SYNE2: variants seen among roughly 807,000 people sequenced by gnomAD.
SYNE2 encodes nesprin-2.
Under a neutral mutation model 856.3 loss-of-function variants are expected in SYNE2, and 431 were observed. The observed-to-expected ratio is 0.50, with a 90% confidence interval of 0.47 to 0.55. The LOEUF (loss-of-function observed/expected upper bound fraction) is 0.55. Among genes scored for constraint, SYNE2 ranks in the 20% least tolerant of loss-of-function variants. The pLI is 0.00. For synonymous variants in SYNE2, 2,923 were observed against 2,872.3 expected (o/e 1.02, Z -0.56); for missense variants, 8,129 against 8,023.2 (o/e 1.01, Z -0.50).
At chr14:64,073,201 AG>A (rs1307088891) in intron 52 of SYNE2, among the ~76,000 whole-genome samples, 1 of 152,186 alleles carries the variant, frequency 6.6e-6, no homozygotes, top group Non-Finnish European at 1.5e-5. Flanking sequence ...TGTTGGAGGT[AG>A]GGGTGGTACT....
intron 1 of SYNE2, among the ~76,000 whole-genome samples, chr14:63,856,635 T>A (rs1891811052): frequency 6.6e-6 from 1 of 152,194 alleles, no homozygotes; most frequent in African/African-American, 2.4e-5. Flanking sequence ...ATTCTCTGAG[T>A]CTTCACTGTA....
chr14:64,087,954 G>A (rs2097576651), intron 58 of SYNE2, 98 bp downstream of exon 58: 19 of 1,324,336 alleles, frequency 1.4e-5, no homozygotes, highest in Non-Finnish European at 2.0e-5. Flanking sequence ...AGGCCAAGGC[G>A]GGTGGATCAC....
At chr14:63,782,529 T>C (rs908499500) in intron 1 of SYNE2, among the ~76,000 whole-genome samples, 7 of 148,698 alleles carry the variant, frequency 4.7e-5, no homozygotes, top group Admixed American at 2.7e-4. Flanking sequence ...AAGATCTAAC[T>C]TGAAAGTCTC....
At chr14:63,899,777 C>T (rs547594715) in intron 1 of SYNE2, among the ~76,000 whole-genome samples, 3 of 152,350 alleles carry the variant, frequency 2.0e-5, no homozygotes, top group Non-Finnish European at 2.9e-5. Flanking sequence ...GCTGGGATTA[C>T]AGGCGTGAGC....
Position 63,978,908 on chromosome 14 carries a change from A to C in SYNE2, c.1463A>C (p.Lys488Thr). Reference sequence around the variant, plus strand: ...CTACTTCTAGAATTTCATTACTACAAGTGCTTAGTTCTTGGTTTGGTAGAT... The same window carrying C: ...CTACTTCTAGAATTTCATTACTACACGTGCTTAGTTCTTGGTTTGGTAGAT... Reference protein sequence around the residue: ...FILLLEFHYYKCLVLGLVDEV... With the variant: ...FILLLEFHYYTCLVLGLVDEV... The change falls in exon 14 of 116, where the codon AAG (lysine) becomes ACG (threonine). Residue 488 changes from lysine to threonine, a missense_variant. By Grantham distance (78) the Lys-to-Thr change is moderately conservative. Coordinates refer to ENST00000555002, the MANE Select transcript of SYNE2 (RefSeq NM_182914.3). 6.2e-7 allele frequency: 1 copy of C among 1,613,070 alleles called. No homozygotes were observed. Among genetic ancestry groups the C allele is most frequent in the African/African-American group, 1.3e-5 (1 of 75,028 alleles).
chr14:64,135,516 G>A (rs1312940482), intron 78 of SYNE2, among the ~76,000 whole-genome samples: 1 of 152,094 alleles, frequency 6.6e-6, no homozygotes, highest in Non-Finnish European at 1.5e-5. Context: ...GGTGATGAGA[G>A]TACTGTTTAG....
intron 1 of SYNE2, among the ~76,000 whole-genome samples, chr14:63,856,415 C>T (rs1240482533): frequency 6.6e-6 from 1 of 152,168 alleles, no homozygotes; most frequent in Non-Finnish European, 1.5e-5. Flanking sequence ...AGTCCCTGTC[C>T]TGGTGAAGCT....
At chr14:63,879,290 C>T (rs753970639) in intron 1 of SYNE2, among the ~76,000 whole-genome samples, 17 of 152,178 alleles carry the variant, frequency 1.1e-4, no homozygotes, top group Non-Finnish European at 2.2e-4. Context: ...ACTCCTCTAG[C>T]AAGGCAGGAA....
At chr14:64,176,006 C>G (rs567853846) in intron 95 of SYNE2, among the ~76,000 whole-genome samples, 1 of 152,298 alleles carries the variant, frequency 6.6e-6, no homozygotes, top group South Asian at 2.1e-4. Context: ...CATGGTTTTG[C>G]TTCTCCTTTG....
chr14:64,049,613 A>G lies in SYNE2; in HGVS notation c.7380A>G (p.Lys2460=). ...TGATCTGTGTGACTTATTTTTAGAA[A>G]TTATATACCCAGTTGGAAGCAAAGA... The part of the protein sequence containing the change: ...LRNEQLEEIE[K]LYTQLEAKKA... The change falls in exon 47 of 116, where the codon AAA becomes AAG. Residue 2460 remains lysine, a splice_region_variant and synonymous_variant. Transcript: ENST00000555002. 1 of 1,614,036 alleles carries G rather than the reference A, an allele frequency of 6.2e-7. No individual in the cohort carries two copies. The highest frequency in any genetic ancestry group is 8.5e-7 in the Non-Finnish European group (1 of 1,179,970).
intron 101 of SYNE2, 105 bp from the exon 102 acceptor site, chr14:64,209,323 A>G: frequency 6.3e-7 from 1 of 1,579,160 alleles, no homozygotes; most frequent in Non-Finnish European, 8.7e-7. Flanking sequence ...AGAAGGGGTA[A>G]CAGGGTCTCC....
At chr14:64,001,611 C>A (rs2096755646) in intron 28 of SYNE2, among the ~76,000 whole-genome samples, 1 of 152,206 alleles carries the variant, frequency 6.6e-6, no homozygotes. Flanking sequence ...ACCAAAACAG[C>A]TGGAGTTGTC....
rs144696227 is a variant in SYNE2 at position 64,152,767 on chromosome 14, C to T, written c.15792+51C>T. The stretch of plus-strand genomic sequence containing the variant: ...TATTTCTCTTCACATATTCTTTTAC[C>T]TTATTTGTCGTTGTAGTTGTTTTCG... On this transcript the variant is annotated intron_variant, in intron 85 of 115. Transcript: ENST00000555002. 5.2e-5 allele frequency: 84 copies of T among 1,609,368 alleles called. No individual in the cohort carries two copies. The Admixed American group carries it at 5.3e-4, about 10-fold the overall frequency.
At chr14:63,922,924 GT>G (rs1202841690) in intron 2 of SYNE2, among the ~76,000 whole-genome samples, 1 of 152,174 alleles carries the variant, frequency 6.6e-6, no homozygotes, top group East Asian at 1.9e-4. Flanking sequence ...GCACAGCTCT[GT>G]TTAGTGCAGT....
intron 14 of SYNE2, 140 bp from the exon 15 acceptor site, chr14:63,980,514 C>T (rs2096577463): frequency 1.6e-6 from 1 of 611,544 alleles, no homozygotes; most frequent in African/African-American, 1.9e-5. Context: ...TTCCTGTTTT[C>T]CTACCAAATA....
chr14:64,007,718 T>C (rs530058447), intron 31 of SYNE2, among the ~76,000 whole-genome samples: 2 of 150,780 alleles, frequency 1.3e-5, no homozygotes, highest in African/African-American at 4.9e-5. Context: ...CTCTACAAAA[T>C]ATAAAAAAAT....
intron 95 of SYNE2, among the ~76,000 whole-genome samples, chr14:64,176,483 T>C (rs1326874552): frequency 2.0e-5 from 3 of 152,182 alleles, no homozygotes; most frequent in Non-Finnish European, 2.9e-5. Context: ...CAGAAGGTGG[T>C]AGTCAGCACA....
At chr14:63,958,441 GT>G (rs1020869175) in intron 8 of SYNE2, among the ~76,000 whole-genome samples, 7 of 152,082 alleles carry the variant, frequency 4.6e-5, no homozygotes, top group African/African-American at 1.7e-4. Flanking sequence ...TTTACATTAT[GT>G]TTTTTTCTCG....
chr14:63,883,433 C>T (rs750869773), intron 1 of SYNE2, among the ~76,000 whole-genome samples: 79 of 152,280 alleles, frequency 5.2e-4, no homozygotes, highest in Middle Eastern at 3.4e-3. Flanking sequence ...TCATGGCTCA[C>T]TGCAGCCTTG....
Sources: gnomAD v4.1 joint callset for allele counts (sites outside exome capture counted in the v4.1 genomes callset) on GRCh38, gnomAD v4.1.1 for gene constraint, MANE v1.5 for transcripts, NCBI Gene and HGNC (gene_info 2026-07-23, HGNC 2026-07-21) for gene names.